GPR15LG: variants seen among roughly 807,000 people sequenced by gnomAD.
The protein encoded by GPR15LG is G protein-coupled receptor 15 ligand, also known as protein GPR15LG.
the GPR15LG span, among the ~76,000 whole-genome samples, chr10:84,178,459 C>T: frequency 6.6e-6 from 1 of 151,662 alleles, no homozygotes; most frequent in African/African-American, 2.4e-5. Context: ...AATACATACA[C>T]ACAAATACAC....
At chr10:84,182,580 A>G in the GPR15LG span, among the ~76,000 whole-genome samples, 1 of 152,294 alleles carries the variant, frequency 6.6e-6, no homozygotes, top group African/African-American at 2.4e-5. Flanking sequence ...GCGAGCCCAG[A>G]CTGTTCACGT....
chr10:84,175,067 A>G, the GPR15LG span, among the ~76,000 whole-genome samples: 1 of 152,198 alleles, frequency 6.6e-6, no homozygotes, highest in Non-Finnish European at 1.5e-5. Flanking sequence ...TTTTTTATTT[A>G]TCACTATATA....
chr10:84,182,824 T>A, the GPR15LG span, among the ~76,000 whole-genome samples: 1 of 152,074 alleles, frequency 6.6e-6, no homozygotes, highest in South Asian at 2.1e-4. Flanking sequence ...AAATTTATTG[T>A]AGGAGCCAGA....
chr10:84,179,795 G>C, the GPR15LG span, among the ~76,000 whole-genome samples: 280 of 151,880 alleles, frequency 1.8e-3, 2 homozygotes, highest in Middle Eastern at 3.4e-3. Flanking sequence ...TGGGTCAATG[G>C]GACAAAAACA....
chr10:84,177,103 C>T, the GPR15LG span, among the ~76,000 whole-genome samples: 21 of 152,210 alleles, frequency 1.4e-4, no homozygotes, highest in Non-Finnish European at 2.8e-4. Context: ...CATAGCTTGG[C>T]AGGAGATAAG....
the GPR15LG span, chr10:84,184,838 TC>T: frequency 6.3e-7 from 1 of 1,593,920 alleles, no homozygotes; most frequent in Non-Finnish European, 8.5e-7. Context: ...CAGCCTCCTG[TC>T]TCCCCTTTCA....
chr10:84,178,556 T>C, the GPR15LG span, among the ~76,000 whole-genome samples: 428 of 150,822 alleles, frequency 2.8e-3, 4 homozygotes, highest in African/African-American at 8.9e-3. Flanking sequence ...ACACTACACA[T>C]GGACAAGCAA....
chr10:84,185,035 G>T, the GPR15LG span: 2 of 1,290,956 alleles, frequency 1.5e-6, no homozygotes, highest in Non-Finnish European at 2.0e-6. Context: ...AAACCACCGA[G>T]CATTCCACCA....
the GPR15LG span, chr10:84,173,965 C>A: frequency 7.0e-7 from 1 of 1,424,468 alleles, no homozygotes; most frequent in Non-Finnish European, 9.9e-7. Flanking sequence ...AGGATTTCAG[C>A]ATCTGGGAAG....
chr10:84,177,421 G>T, the GPR15LG span, among the ~76,000 whole-genome samples: 3 of 152,282 alleles, frequency 2.0e-5, no homozygotes, highest in African/African-American at 7.2e-5. Flanking sequence ...TGGGGCTCCT[G>T]CCTGAACTCT....
the GPR15LG span, among the ~76,000 whole-genome samples, chr10:84,180,103 A>C: frequency 6.6e-6 from 1 of 152,226 alleles, no homozygotes. Flanking sequence ...TGCTGCCTTC[A>C]AGCATCTGTT....
At chr10:84,184,684 A>G in the GPR15LG span, 1 of 1,614,004 alleles carries the variant, frequency 6.2e-7, no homozygotes, top group Non-Finnish European at 8.5e-7. Flanking sequence ...CTCCCAGGAC[A>G]TCATGTGAGG....
chr10:84,179,750 C>T, the GPR15LG span, among the ~76,000 whole-genome samples: 2 of 152,150 alleles, frequency 1.3e-5, no homozygotes, highest in Admixed American at 1.3e-4. Context: ...GTGGTAGGCC[C>T]ATGGGGATGA....
chr10:84,178,382 CA>C, the GPR15LG span, among the ~76,000 whole-genome samples: 1 of 151,574 alleles, frequency 6.6e-6, no homozygotes, highest in African/African-American at 2.4e-5. Flanking sequence ...ATACCAGACA[CA>C]GACACATACA....
At chr10:84,184,037 GGGCCAGGCA>G in the GPR15LG span, among the ~76,000 whole-genome samples, 2 of 151,718 alleles carry the variant, frequency 1.3e-5, no homozygotes, top group Non-Finnish European at 2.9e-5. Flanking sequence ...ACAAAACTAT[GGGCCAGGCA>G]TGGTGGCTCA....
chr10:84,173,937 G>T, the GPR15LG span: 4 of 1,587,616 alleles, frequency 2.5e-6, no homozygotes, highest in African/African-American at 1.3e-5. Context: ...GCAGCCCCCA[G>T]GGTGCAGATC....
the GPR15LG span, chr10:84,176,362 C>G: frequency 1.3e-6 from 1 of 762,806 alleles, no homozygotes; most frequent in Non-Finnish European, 2.4e-6. Context: ...CTCTCGTAGC[C>G]TGGCTCATCC....
At chr10:84,183,347 A>G in the GPR15LG span, among the ~76,000 whole-genome samples, 5 of 152,250 alleles carry the variant, frequency 3.3e-5, no homozygotes, top group Admixed American at 1.3e-4. Context: ...TCCAGATTTC[A>G]TGATCTTAAT....
At chr10:84,176,083 T>G in the GPR15LG span, among the ~76,000 whole-genome samples, 1 of 151,774 alleles carries the variant, frequency 6.6e-6, no homozygotes, top group African/African-American at 2.4e-5. Flanking sequence ...AGATGGGGTT[T>G]CTCCATGTTG....
Sources: gnomAD v4.1 joint callset for allele counts (sites outside exome capture counted in the v4.1 genomes callset) on GRCh38, gnomAD v4.1.1 for gene constraint, MANE v1.5 for transcripts, NCBI Gene and HGNC (gene_info 2026-07-23, HGNC 2026-07-21) for gene names.